Variants in ANKMY2 observed in about 807,000 individuals in gnomAD.
ANKMY2 encodes the protein ankyrin repeat and MYND domain-containing protein 2.
ANKMY2 carries 36 observed loss-of-function variants against 50.4 expected under a neutral mutation model. The ratio of observed to expected loss-of-function variants is 0.71; its 90% CI spans 0.55 to 0.94. The LOEUF (loss-of-function observed/expected upper bound fraction) is 0.94. Ranked by LOEUF, ANKMY2 falls within the 40% of genes least tolerant of loss-of-function variation. The pLI, the probability that ANKMY2 is intolerant of heterozygous loss-of-function variation, is 0.00. For missense variants in ANKMY2, 565 were observed against 524.0 expected, an observed-to-expected ratio of 1.08 and a Z score of -0.76; for synonymous variants, 187 against 178.8, an observed-to-expected ratio of 1.05 and a Z score of -0.36.
rs186456744 is a variant in ANKMY2 at position 16,621,619 on chromosome 7, G to A, written c.370+3364C>T. ...ATACTTATGTAACTCCTGGTCAAGA[G>A]GCCCACTTTTAGCAAAACAAGAAAC... On this transcript the variant is annotated intron_variant, in intron 4 of 9. Coordinates refer to ENST00000306999, the MANE Select transcript of ANKMY2 (RefSeq NM_020319.3). 3.7e-3 allele frequency among the ~76,000 whole-genome samples: 560 copies of A among 152,178 alleles called. 7 individuals are homozygous for A. The highest frequency in any genetic ancestry group is 0.013 in the African/African-American group (535 of 41,496).
intron 2 of ANKMY2, among the ~76,000 whole-genome samples, chr7:16,633,225 T>A (rs955446870): frequency 2.1e-5 from 3 of 143,918 alleles, no homozygotes; most frequent in South Asian, 4.5e-4. Context: ...GGTGGTACGC[T>A]TTGAAACACA....
At chr7:16,634,319 T>C (rs1162140332) in intron 2 of ANKMY2, among the ~76,000 whole-genome samples, 1 of 152,128 alleles carries the variant, frequency 6.6e-6, no homozygotes, top group Non-Finnish European at 1.5e-5. Context: ...ATAAAACACA[T>C]GATCCCTGAG....
chr7:16,617,397 C>T (rs1264859432), intron 4 of ANKMY2, among the ~76,000 whole-genome samples: 1 of 152,186 alleles, frequency 6.6e-6, no homozygotes, highest in Non-Finnish European at 1.5e-5. Context: ...CTTTACCTGA[C>T]TTCCTGGGAG....
At chr7:16,602,295 G>T in intron 9 of ANKMY2, 85 bp downstream of exon 9, 1 of 1,500,238 alleles carries the variant, frequency 6.7e-7, no homozygotes, top group South Asian at 1.3e-5. Flanking sequence ...GGCTTCCAGA[G>T]AAGACGCAGT....
chr7:16,644,709 G>A (rs994494200), intron 1 of ANKMY2: 2 of 471,158 alleles, frequency 4.2e-6, no homozygotes, highest in Admixed American at 4.7e-5. Context: ...GACTCGGCAG[G>A]GAACTCCTCT....
chr7:16,643,331 T>A (rs1446655750), intron 1 of ANKMY2, among the ~76,000 whole-genome samples: 1 of 152,216 alleles, frequency 6.6e-6, no homozygotes, highest in Non-Finnish European at 1.5e-5. Flanking sequence ...ATATGTAAAG[T>A]ACTTAAAATT....
Position 16,610,624 on chromosome 7 carries a change from T to G in ANKMY2, c.671A>C (p.Tyr224Ser). The G allele has an allele frequency of 6.2e-7, 1 of 1,613,990 alleles. No homozygotes were observed. The highest frequency in any genetic ancestry group is 8.5e-7 in the Non-Finnish European group (1 of 1,179,890). ...MNEVLAMKMH[Y>S]ISCIFQKCIN... ...GCATTTCTGAAAGATACAGCTTATG[T>G]AATGCATCTTCATAGCCAATACTTC... Residue 224 changes from tyrosine to serine, a missense_variant, in exon 6 of 10, where the codon TAC (tyrosine) becomes TCC (serine). Transcript: ENST00000306999.
intron 4 of ANKMY2, among the ~76,000 whole-genome samples, chr7:16,617,783 C>T (rs1781377191): frequency 6.6e-6 from 1 of 151,850 alleles, no homozygotes; most frequent in Non-Finnish European, 1.5e-5. Flanking sequence ...CTGGGTAACA[C>T]AGCACAAACC....
rs1193988878 is a variant in ANKMY2 at position 16,645,517 on chromosome 7, G to A, written c.57C>T (p.Val19=). Residue 19 remains valine, a synonymous_variant, in exon 1 of 10, where the codon GTC becomes GTT. Coordinates refer to ENST00000306999, the MANE Select transcript of ANKMY2 (RefSeq NM_020319.3). ...LTQEEKELLE[V]IGKGTVQEAG... is the part of the protein sequence containing the mutation. Reference sequence around the variant, plus strand: ...GCCCAGCACCCGTACCTTTCCCGATGACTTCCAGTAGCTCCTTCTCCTCCT... The same window carrying A: ...GCCCAGCACCCGTACCTTTCCCGATAACTTCCAGTAGCTCCTTCTCCTCCT... 3 of 1,611,010 alleles carry A rather than the reference G, an allele frequency of 1.9e-6. No homozygotes were observed. Among genetic ancestry groups the A allele is most frequent in the Non-Finnish European group, 2.5e-6 (3 of 1,178,722 alleles).
rs1005861890 is a variant in ANKMY2, at chr7:16,627,066, G to C, written c.245C>G (p.Thr82Arg). Residue 82 changes from threonine to arginine, a missense_variant, in exon 3 of 10, where the codon ACA becomes AGA. Thr to Arg is a moderately conservative substitution (Grantham distance 71). Coordinates refer to ENST00000306999, the MANE Select transcript of ANKMY2 (RefSeq NM_020319.3). ...AGAAAGTGCAGCAAACATGAGGGCT[G>C]TGTATCCATGTTCATGCTGATGACA... is the stretch of plus-strand genomic sequence containing the variant. ...VNCHQHEHGY[T>R]ALMFAALSGN... 1 of 1,609,324 alleles carries C rather than the reference G, an allele frequency of 6.2e-7. No individual in the cohort carries two copies. Among genetic ancestry groups the C allele is most frequent in the Non-Finnish European group, 8.5e-7 (1 of 1,177,842 alleles).
chr7:16,600,730 G>A lies in ANKMY2; in HGVS notation c.*31C>T. 6.4e-7 allele frequency: 1 copy of A among 1,573,824 alleles called. No individual in the cohort carries two copies. Among genetic ancestry groups the A allele is most frequent in the Non-Finnish European group, 8.6e-7 (1 of 1,158,964 alleles). On this transcript the variant is annotated 3_prime_UTR_variant, in exon 10 of 10. Coordinates refer to ENST00000306999, the MANE Select transcript of ANKMY2 (RefSeq NM_020319.3). ...AGTTTTCCAGCTTCTTGCAGGGTGAGGATCATCCACACTGGCACTTGCTCT... is the reference window on the plus strand; with the variant it reads ...AGTTTTCCAGCTTCTTGCAGGGTGAAGATCATCCACACTGGCACTTGCTCT...
intron 1 of ANKMY2, chr7:16,644,494 G>T (rs1009432234): frequency 1.2e-5 from 4 of 325,482 alleles, no homozygotes; most frequent in Non-Finnish European, 2.4e-5. Context: ...TTTCAGCCTG[G>T]CTACTAAGTA....
chr7:16,602,275 G>A, intron 9 of ANKMY2, 105 bp downstream of exon 9: 5 of 1,372,084 alleles, frequency 3.6e-6, no homozygotes, highest in Non-Finnish European at 4.0e-6. Context: ...GGTCACTCCT[G>A]AGCTCCTATG....
intron 1 of ANKMY2, among the ~76,000 whole-genome samples, chr7:16,642,546 A>G (rs111765307): frequency 7.7e-4 from 117 of 152,232 alleles, no homozygotes; most frequent in African/African-American, 2.5e-3. Flanking sequence ...AGTTTATTTC[A>G]GATTGACCAA....
At chr7:16,610,437 A>C in intron 6 of ANKMY2, 112 bp downstream of exon 6, 1 of 805,558 alleles carries the variant, frequency 1.2e-6, no homozygotes, top group East Asian at 2.7e-5. Context: ...TGAGTCCAAC[A>C]ACAGCAATTG....
chr7:16,622,609 G>A (rs757870609), intron 4 of ANKMY2, among the ~76,000 whole-genome samples: 5 of 151,856 alleles, frequency 3.3e-5, no homozygotes, highest in South Asian at 2.1e-4. Context: ...GCGTGGTGGC[G>A]CACACCTATA....
At chr7:16,642,475 T>G (rs950127597) in intron 1 of ANKMY2, among the ~76,000 whole-genome samples, 6 of 152,174 alleles carry the variant, frequency 3.9e-5, no homozygotes, top group Non-Finnish European at 7.4e-5. Flanking sequence ...AAAGCCCCAC[T>G]TAGAGTCTGT....
intron 7 of ANKMY2, among the ~76,000 whole-genome samples, chr7:16,607,625 T>A (rs1046181963): frequency 1.3e-4 from 20 of 151,476 alleles, no homozygotes; most frequent in African/African-American, 4.6e-4. Context: ...CATTATTCTA[T>A]TATATGGAGC....
intron 4 of ANKMY2, among the ~76,000 whole-genome samples, chr7:16,621,280 A>C (rs1000144388): frequency 7.2e-5 from 11 of 152,338 alleles, no homozygotes; most frequent in Non-Finnish European, 1.6e-4. Context: ...TGAAGGAACC[A>C]ATTAAATATT....
Sources: allele counts gnomAD v4.1 joint callset (sites outside exome capture counted in the v4.1 genomes callset), GRCh38; gene constraint gnomAD v4.1.1; transcripts MANE v1.5; gene names NCBI Gene and HGNC (gene_info 2026-07-23, HGNC 2026-07-21).